Variants in CNTN6 observed in about 807,000 individuals in gnomAD.
CNTN6 encodes the protein contactin 6, also known as contactin-6.
CNTN6 carries 137 observed loss-of-function variants against 122.8 expected under a neutral mutation model. The ratio of observed to expected loss-of-function variants is 1.12; its 90% confidence interval spans 0.97 to 1.29. The LOEUF (loss-of-function observed/expected upper bound fraction) is 1.29, where lower values mean the gene tolerates loss of function less well. Among genes scored for constraint, CNTN6 ranks in the 50% most tolerant of loss-of-function variants. The probability of loss-of-function intolerance (pLI) is 0.00; values close to 1 mark genes in which losing one functional copy is unlikely to be tolerated. For synonymous variants in CNTN6, 570 were observed against 426.0 expected (o/e 1.34, Z -4.16); for missense variants, 1,634 against 1,223.4 (o/e 1.34, Z -5.01).
intron 2 of CNTN6, among the ~76,000 whole-genome samples, chr3:1,148,713 T>A (rs1045425330): frequency 6.6e-6 from 1 of 152,204 alleles, no homozygotes. Flanking sequence ...CAAATAATCA[T>A]GTATTTAGTT....
rs1574930961 is a variant in CNTN6, at chr3:1,123,124, A to T, written c.-82-24803A>T. Among the ~76,000 whole-genome samples the T allele has an allele frequency of 7.2e-5, 11 of 151,964 alleles. No homozygotes were observed. In the South Asian group the frequency reaches 2.3e-3, roughly 32 times the overall value. On this transcript the variant is annotated intron_variant, in intron 1 of 22. Transcript: ENST00000446702. ...TTTTTCCAAGTTATTTTGGCTATTC[A>T]GGCCCTTGCAATTACATAGAAATTT... is the stretch of plus-strand genomic sequence containing the variant.
At chr3:1,117,043 C>T (rs1023722706) in intron 1 of CNTN6, among the ~76,000 whole-genome samples, 6 of 151,982 alleles carry the variant, frequency 3.9e-5, no homozygotes, top group East Asian at 1.9e-4. Flanking sequence ...AAAGTATCAC[C>T]GTGTCATAGA....
intron 2 of CNTN6, among the ~76,000 whole-genome samples, chr3:1,202,465 C>T (rs545862442): frequency 6.7e-5 from 10 of 150,154 alleles, no homozygotes; most frequent in Middle Eastern, 3.4e-3. Flanking sequence ...GCGGGAACCC[C>T]GGGGGGCGGA....
intron 7 of CNTN6, among the ~76,000 whole-genome samples, chr3:1,320,851 C>T (rs1364056656): frequency 6.6e-6 from 1 of 151,620 alleles, no homozygotes; most frequent in African/African-American, 2.4e-5. Flanking sequence ...TTTATTATAA[C>T]ATGTATTTTT....
chr3:1,256,615 T>C (rs549827977), intron 4 of CNTN6, among the ~76,000 whole-genome samples: 1 of 152,236 alleles, frequency 6.6e-6, no homozygotes, highest in East Asian at 1.9e-4. Flanking sequence ...ACTTGAAGCC[T>C]TGGGAGTAGT....
chr3:1,138,005 C>T (rs1288740898), intron 1 of CNTN6, among the ~76,000 whole-genome samples: 1 of 152,216 alleles, frequency 6.6e-6, no homozygotes, highest in Admixed American at 6.5e-5. Flanking sequence ...GAAGATGACT[C>T]TCCTCTGCCT....
At chr3:1,200,847 C>G (rs893157019) in intron 2 of CNTN6, among the ~76,000 whole-genome samples, 2 of 152,056 alleles carry the variant, frequency 1.3e-5, no homozygotes, top group African/African-American at 4.8e-5. Flanking sequence ...TCTCTAAATA[C>G]TCCTTTATTT....
chr3:1,109,604 C>G (rs1488487929), intron 1 of CNTN6, among the ~76,000 whole-genome samples: 1 of 151,934 alleles, frequency 6.6e-6, no homozygotes, highest in Non-Finnish European at 1.5e-5. Flanking sequence ...CACACATATT[C>G]TAACTTAGAA....
At chr3:1,146,347 C>A (rs1414471212) in intron 1 of CNTN6, among the ~76,000 whole-genome samples, 1 of 152,048 alleles carries the variant, frequency 6.6e-6, no homozygotes, top group African/African-American at 2.4e-5. Context: ...TCAAGGCTTG[C>A]TATAGGACCT....
chr3:1,306,918 C>T (rs1276930835), intron 7 of CNTN6, among the ~76,000 whole-genome samples: 3 of 152,148 alleles, frequency 2.0e-5, no homozygotes, highest in East Asian at 1.9e-4. Flanking sequence ...GAGTTACTGA[C>T]GTTTCCTCAC....
intron 2 of CNTN6, among the ~76,000 whole-genome samples, chr3:1,163,150 G>A (rs775978428): frequency 6.6e-6 from 1 of 152,170 alleles, no homozygotes; most frequent in Non-Finnish European, 1.5e-5. Flanking sequence ...AATATATGAG[G>A]ACAACGCAGC....
At chr3:1,202,516 G>A (rs945405087) in intron 2 of CNTN6, among the ~76,000 whole-genome samples, 1 of 150,480 alleles carries the variant, frequency 6.6e-6, no homozygotes, top group Non-Finnish European at 1.5e-5. Flanking sequence ...CCTCCAGCCT[G>A]GGCGACAGAG....
At chr3:1,399,769 C>T (rs1695448517) in intron 20 of CNTN6, among the ~76,000 whole-genome samples, 1 of 152,054 alleles carries the variant, frequency 6.6e-6, no homozygotes, top group African/African-American at 2.4e-5. Context: ...CTCCTATGTG[C>T]CAGGCACTGT....
intron 7 of CNTN6, among the ~76,000 whole-genome samples, chr3:1,301,477 GT>G (rs1697405072): frequency 6.6e-6 from 1 of 152,138 alleles, no homozygotes; most frequent in South Asian, 2.1e-4. Flanking sequence ...AATCATGTTG[GT>G]TAAGTTTATG....
intron 1 of CNTN6, among the ~76,000 whole-genome samples, chr3:1,140,400 G>A (rs1467072146): frequency 6.6e-6 from 1 of 152,126 alleles, no homozygotes; most frequent in Non-Finnish European, 1.5e-5. Context: ...TCAAGTCCCA[G>A]GTCTCGTTCT....
Position 1,227,980 on chromosome 3 carries a change from G to T in CNTN6, c.345G>T (p.Lys115Asn), listed in dbSNP as rs147658725. The T allele has an allele frequency of 6.2e-7, 1 of 1,612,702 alleles. No individual in the cohort carries two copies. The highest frequency in any genetic ancestry group is 1.3e-5 in the African/African-American group (1 of 74,834). Residue 115 changes from lysine to asparagine, a missense_variant, in exon 4 of 23, where the codon AAG becomes AAT. Physicochemically the swap from Lys to Asn is moderately conservative, Grantham distance 94. Transcript: ENST00000446702. ...LLGTILSRKA[K>N]LQFAYIEDFE... ...GGACAATTCTGAGTCGGAAGGCAAA[G>T]CTCCAATTTGCATGTGAGTTTGGGG...
At chr3:1,359,185 A>G (rs1480249060) in intron 12 of CNTN6, among the ~76,000 whole-genome samples, 1 of 152,084 alleles carries the variant, frequency 6.6e-6, no homozygotes, top group Non-Finnish European at 1.5e-5. Flanking sequence ...GATGCCATAA[A>G]TATGTAGTCA....
chr3:1,144,432 A>G (rs2092680316), intron 1 of CNTN6, among the ~76,000 whole-genome samples: 1 of 151,802 alleles, frequency 6.6e-6, no homozygotes, highest in Non-Finnish European at 1.5e-5. Context: ...AAAATTAGCC[A>G]GGTGTAGTGG....
chr3:1,203,977 T>C (rs2093922130), intron 2 of CNTN6, among the ~76,000 whole-genome samples: 3 of 152,188 alleles, frequency 2.0e-5, no homozygotes, highest in African/African-American at 7.2e-5. Context: ...CTAGAAGCAA[T>C]AGGCTGTGTA....
Sources: allele counts gnomAD v4.1 joint callset (sites outside exome capture counted in the v4.1 genomes callset), GRCh38; gene constraint gnomAD v4.1.1; transcripts MANE v1.5; gene names NCBI Gene and HGNC (gene_info 2026-07-23, HGNC 2026-07-21).